COL21A1: variants seen among roughly 807,000 people sequenced by gnomAD.
COL21A1 encodes the protein collagen type XXI alpha 1 chain.
Under a neutral mutation model 137.9 loss-of-function variants are expected in COL21A1, and 149 were observed. The observed-to-expected ratio is 1.08, with a 90% CI of 0.95 to 1.24. The LOEUF (loss-of-function observed/expected upper bound fraction) is 1.24, where lower values mean the gene tolerates loss of function less well. Among genes scored for constraint, COL21A1 ranks in the 50% most tolerant of loss-of-function variants. The pLI is 0.00. For synonymous variants in COL21A1, 456 were observed against 391.5 expected, an observed-to-expected ratio of 1.16 and a Z score of -1.95; for missense variants, 1,167 against 1,158.4, an observed-to-expected ratio of 1.01 and a Z score of -0.11.
chr6:56,188,398 AT>A (rs1778437688), intron 1 of COL21A1, among the ~76,000 whole-genome samples: 1 of 152,208 alleles, frequency 6.6e-6, no homozygotes, highest in Non-Finnish European at 1.5e-5. Context: ...AGGACAATCA[AT>A]ATACAAGTTG....
intron 7 of COL21A1, among the ~76,000 whole-genome samples, chr6:56,165,379 C>T (rs989006169): frequency 6.6e-6 from 1 of 152,156 alleles, no homozygotes; most frequent in African/African-American, 2.4e-5. Context: ...CAGAAAGTCA[C>T]ATCTGAGAGT....
At chr6:56,113,932 C>T (rs542408900) in intron 16 of COL21A1, among the ~76,000 whole-genome samples, 3 of 152,252 alleles carry the variant, frequency 2.0e-5, no homozygotes, top group South Asian at 2.1e-4. Context: ...TGGCAGTACT[C>T]CTCATGGCTA....
intron 1 of COL21A1, among the ~76,000 whole-genome samples, chr6:56,197,879 T>C (rs1779130474): frequency 6.6e-6 from 1 of 152,026 alleles, no homozygotes; most frequent in African/African-American, 2.4e-5. Flanking sequence ...ATAAAATCAC[T>C]ATCTCAAAGA....
intron 1 of COL21A1, among the ~76,000 whole-genome samples, chr6:56,323,934 C>A (rs1311525649): frequency 1.3e-5 from 2 of 152,028 alleles, no homozygotes; most frequent in Non-Finnish European, 2.9e-5. Context: ...CTGACTAACG[C>A]TTGGTCAAGC....
chr6:56,059,542 T>C (rs1765611656), intron 28 of COL21A1, among the ~76,000 whole-genome samples: 1 of 152,146 alleles, frequency 6.6e-6, no homozygotes, highest in Non-Finnish European at 1.5e-5. Context: ...AAATTGCTTA[T>C]ATACTATTAA....
chr6:56,263,117 C>G (rs565264580), intron 1 of COL21A1, among the ~76,000 whole-genome samples: 1 of 152,340 alleles, frequency 6.6e-6, no homozygotes, highest in South Asian at 2.1e-4. Flanking sequence ...TCCACAAAAG[C>G]AATAACTGCT....
chr6:56,324,722 C>G (rs1261625354), intron 1 of COL21A1, among the ~76,000 whole-genome samples: 3 of 152,004 alleles, frequency 2.0e-5, no homozygotes, highest in Non-Finnish European at 4.4e-5. Context: ...ACACGAATAT[C>G]TAACTGATGG....
At chr6:56,118,407 C>G (rs1772135523) in intron 16 of COL21A1, among the ~76,000 whole-genome samples, 1 of 151,866 alleles carries the variant, frequency 6.6e-6, no homozygotes, top group Non-Finnish European at 1.5e-5. Context: ...CTGAAAGGAC[C>G]AATAACAAGT....
At position 56,338,511 on chromosome 6, in the gene COL21A1, C is replaced by T. The variant is rs1765388029; in HGVS notation, c.-39+55460G>A. Among the ~76,000 whole-genome samples the T allele has an allele frequency of 2.0e-5, 3 of 152,280 alleles. No individual in the cohort carries two copies. In the South Asian group the frequency reaches 6.2e-4, roughly 32 times the overall value. ...CAGCATCTTGCTTTTGGGGTGGGGT[C>T]CCTGCAAGGTGGCCTAAGCCCAGGT... is the stretch of plus-strand genomic sequence containing the variant. On this transcript the variant is annotated intron_variant, in intron 1 of 28. Coordinates refer to the COL21A1 transcript ENST00000370819.
intron 1 of COL21A1, among the ~76,000 whole-genome samples, chr6:56,350,565 T>C (rs754062127): frequency 3.3e-4 from 50 of 152,344 alleles, no homozygotes; most frequent in Non-Finnish European, 6.2e-4. Context: ...GGGGAAAATA[T>C]ACTCAACAAG....
chr6:56,390,029 A>G (rs2094026031), intron 1 of COL21A1, among the ~76,000 whole-genome samples: 1 of 152,262 alleles, frequency 6.6e-6, no homozygotes, highest in Admixed American at 6.5e-5. Context: ...AAACAAATAC[A>G]GAATACTCTA....
chr6:56,310,877 G>T (rs1000266097), intron 1 of COL21A1, among the ~76,000 whole-genome samples: 8 of 151,982 alleles, frequency 5.3e-5, no homozygotes, highest in Non-Finnish European at 8.8e-5. Flanking sequence ...TACATTGATA[G>T]ATTTTTTTTC....
intron 1 of COL21A1, among the ~76,000 whole-genome samples, chr6:56,350,053 G>A (rs1230801992): frequency 6.6e-6 from 1 of 152,186 alleles, no homozygotes; most frequent in Non-Finnish European, 1.5e-5. Context: ...ACTCCCGAAA[G>A]TCTGCTCAAA....
chr6:56,112,649 C>T lies in COL21A1; in HGVS notation c.1759-11124G>A, dbSNP rs1050310193. On this transcript the variant is annotated intron_variant, in intron 16 of 29. Transcript: ENST00000244728. ...AAAACCAGACCAAACTCAACTGATG[C>T]CTGCCCACAGAAGAAGTTTTTTTTT... Among the ~76,000 whole-genome samples, 5 of 151,818 alleles carry T rather than the reference C, an allele frequency of 3.3e-5. No homozygotes were observed. In the South Asian group the frequency reaches 6.2e-4, roughly 19 times the overall value.
At chr6:56,290,812 A>G (rs1764024953) in intron 1 of COL21A1, among the ~76,000 whole-genome samples, 1 of 152,096 alleles carries the variant, frequency 6.6e-6, no homozygotes, top group African/African-American at 2.4e-5. Context: ...GAAGATTTTA[A>G]CAACCCACTG....
chr6:56,124,610 C>T (rs116449364), intron 14 of COL21A1, among the ~76,000 whole-genome samples: 154 of 150,634 alleles, frequency 1.0e-3, no homozygotes, highest in African/African-American at 3.6e-3. Flanking sequence ...CCCATAACAT[C>T]AAATTTCAGT....
intron 5 of COL21A1, among the ~76,000 whole-genome samples, chr6:56,168,649 A>T (rs371748138): frequency 2.8e-4 from 43 of 151,876 alleles, no homozygotes; most frequent in African/African-American, 8.9e-4. Flanking sequence ...ATAACTAATC[A>T]ATCTTCCTTG....
Position 56,067,668 on chromosome 6 carries a change from T to C in COL21A1, c.2092-338A>G, listed in dbSNP as rs1440969568. 2.0e-5 allele frequency among the ~76,000 whole-genome samples: 3 copies of C among 151,772 alleles called. No homozygotes were observed. In the East Asian group the frequency reaches 5.8e-4, roughly 29 times the overall value. On this transcript the variant is annotated intron_variant, in intron 22 of 29. Coordinates refer to ENST00000244728, the MANE Select transcript of COL21A1 (RefSeq NM_030820.4). ...GGACTTATTTTGACAAATGTTGTTT[T>C]ATGAAATCAAACTGAAAATCTTCCA...
chr6:56,288,237 AT>A (rs199903908), intron 1 of COL21A1, among the ~76,000 whole-genome samples: 10 of 108,788 alleles, frequency 9.2e-5, no homozygotes, highest in African/African-American at 1.6e-4. Context: ...AGCTTATTAC[AT>A]TTTAAAAAAA....
Sources: allele counts gnomAD v4.1 joint callset (sites outside exome capture counted in the v4.1 genomes callset), GRCh38; gene constraint gnomAD v4.1.1; transcripts MANE v1.5; gene names NCBI Gene and HGNC (gene_info 2026-07-23, HGNC 2026-07-21).